The following SGCZ variants were observed in gnomAD, a reference collection of about 807,000 sequenced individuals.
SGCZ encodes zeta-sarcoglycan.
Under a neutral mutation model 41.3 loss-of-function variants are expected in SGCZ, and 40 were observed. That is an observed-to-expected ratio of 0.97 (90% CI 0.75 to 1.26). The LOEUF is 1.26. Among genes scored for constraint, SGCZ ranks in the 50% most tolerant of loss-of-function variants. The pLI is 0.00. For missense variants in SGCZ, 552 were observed against 369.8 expected, an observed-to-expected ratio of 1.49 and a Z score of -4.04; for synonymous variants, 206 against 137.5, an observed-to-expected ratio of 1.50 and a Z score of -3.49.
At chr8:14,414,610 AT>A (rs1799447091) in intron 2 of SGCZ, among the ~76,000 whole-genome samples, 1 of 151,980 alleles carries the variant, frequency 6.6e-6, no homozygotes, top group African/African-American at 2.4e-5. Flanking sequence ...AGCTGAGAAA[AT>A]GTGTGATATG....
chr8:15,051,931 G>T (rs2130994679), intron 1 of SGCZ, among the ~76,000 whole-genome samples: 1 of 152,248 alleles, frequency 6.6e-6, no homozygotes, highest in East Asian at 1.9e-4. Context: ...CAAAAGACTG[G>T]AAGGCTGCAG....
At chr8:14,258,038 C>T (rs1343770187) in intron 3 of SGCZ, among the ~76,000 whole-genome samples, 1 of 152,126 alleles carries the variant, frequency 6.6e-6, no homozygotes, top group Non-Finnish European at 1.5e-5. Context: ...CCTTGCGTGA[C>T]ATTTTGATTG....
intron 1 of SGCZ, among the ~76,000 whole-genome samples, chr8:14,890,936 A>G (rs1354846580): frequency 6.6e-6 from 1 of 152,234 alleles, no homozygotes; most frequent in Non-Finnish European, 1.5e-5. Context: ...ACAAAGCCTG[A>G]TAGCAGCACT....
intron 2 of SGCZ, among the ~76,000 whole-genome samples, chr8:14,412,403 C>T (rs562367650): frequency 2.8e-4 from 43 of 152,138 alleles, no homozygotes; most frequent in African/African-American, 9.9e-4. Context: ...ACTGGGTATG[C>T]GTACATTTGA....
chr8:14,484,602 T>C (rs1410104147), intron 2 of SGCZ, among the ~76,000 whole-genome samples: 1 of 152,196 alleles, frequency 6.6e-6, no homozygotes, highest in Non-Finnish European at 1.5e-5. Context: ...AATTATATTT[T>C]ATGTTCCGTT....
intron 1 of SGCZ, among the ~76,000 whole-genome samples, chr8:14,742,313 TCA>T (rs915950022): frequency 4.0e-5 from 6 of 151,720 alleles, no homozygotes; most frequent in African/African-American, 1.5e-4. Flanking sequence ...GCACGCGCGC[TCA>T]CACACACACA....
chr8:15,068,969 CAGTA>C (rs1805254135), intron 1 of SGCZ, among the ~76,000 whole-genome samples: 1 of 152,078 alleles, frequency 6.6e-6, no homozygotes, highest in Non-Finnish European at 1.5e-5. Context: ...TCTTTAAAAA[CAGTA>C]AGAACAGAAT....
chr8:14,892,753 T>G (rs1805060914), intron 1 of SGCZ, among the ~76,000 whole-genome samples: 2 of 152,198 alleles, frequency 1.3e-5, no homozygotes, highest in South Asian at 4.1e-4. Flanking sequence ...GTCATCACCA[T>G]TAAATAATTA....
At chr8:14,251,366 A>G (rs1302643409) in intron 3 of SGCZ, among the ~76,000 whole-genome samples, 1 of 152,244 alleles carries the variant, frequency 6.6e-6, no homozygotes, top group East Asian at 1.9e-4. Flanking sequence ...TTTATTTTCA[A>G]GAGACAGACA....
At chr8:14,551,533 A>C (rs373528698) in intron 2 of SGCZ, among the ~76,000 whole-genome samples, 1 of 12,170 alleles carries the variant, frequency 8.2e-5, no homozygotes, top group Admixed American at 1.5e-3. Context: ...TAATATATAT[A>C]ATATATATAA....
intron 2 of SGCZ, among the ~76,000 whole-genome samples, chr8:14,535,267 G>T (rs1006738224): frequency 2.6e-5 from 4 of 151,604 alleles, no homozygotes; most frequent in Non-Finnish European, 5.9e-5. Context: ...TTAATTGTAA[G>T]ACATCTATGT....
chr8:14,483,624 T>A (rs1585575854), intron 2 of SGCZ, among the ~76,000 whole-genome samples: 1 of 152,212 alleles, frequency 6.6e-6, no homozygotes, highest in Non-Finnish European at 1.5e-5. Context: ...TATTCATTTT[T>A]GGCCATGTAA....
intron 3 of SGCZ, among the ~76,000 whole-genome samples, chr8:14,269,085 A>G (rs1799972318): frequency 6.6e-6 from 1 of 151,944 alleles, no homozygotes. Context: ...TAAGTGTTTC[A>G]CTCTTGTATA....
chr8:14,904,810 T>C (rs1799075324), intron 1 of SGCZ, among the ~76,000 whole-genome samples: 1 of 152,024 alleles, frequency 6.6e-6, no homozygotes, highest in African/African-American at 2.4e-5. Context: ...TCTTTTTTTC[T>C]ACAAGTCGTC....
rs545197347 is a variant in SGCZ, at chr8:14,576,953, T to A, written c.40-22027A>T. 1.5e-3 allele frequency among the ~76,000 whole-genome samples: 227 copies of A among 152,208 alleles called. 1 individual carries two copies. Among genetic ancestry groups the A allele is most frequent in the Non-Finnish European group, 2.8e-3 (189 of 68,010 alleles). The stretch of plus-strand genomic sequence containing the variant: ...CCCGTGAGGACATTCATTCAAAGAG[T>A]CTTCACCCAAAAGGCCCTTCATGAA... On this transcript the variant is annotated intron_variant, in intron 1 of 7. Coordinates refer to ENST00000382080, the MANE Select transcript of SGCZ (RefSeq NM_139167.4).
intron 1 of SGCZ, among the ~76,000 whole-genome samples, chr8:14,595,751 C>A (rs1805391713): frequency 1.3e-5 from 2 of 152,298 alleles, no homozygotes; most frequent in Non-Finnish European, 2.9e-5. Flanking sequence ...ACAACAAATT[C>A]TTTCCATAAT....
chr8:15,000,181 G>T (rs1033954322), intron 1 of SGCZ, among the ~76,000 whole-genome samples: 2 of 152,146 alleles, frequency 1.3e-5, no homozygotes, highest in African/African-American at 2.4e-5. Flanking sequence ...TCCAAGTCAA[G>T]GAGAGAGTCC....
At position 14,085,115 on chromosome 8, in the gene SGCZ, T is replaced by G. The variant is rs1399923407; in HGVS notation, c.*5328A>C. Among the ~76,000 whole-genome samples the G allele has an allele frequency of 2.0e-5, 3 of 151,844 alleles. No individual in the cohort carries two copies. The highest frequency in any genetic ancestry group is 4.4e-5 in the Non-Finnish European group (3 of 67,846). On this transcript the variant is annotated 3_prime_UTR_variant, in exon 8 of 8. Transcript: ENST00000382080. ...TTGAATAGATATGTTATCTACAGTT[T>G]ATAGGGCAGACAGTCCATTTAAATA... is the stretch of plus-strand genomic sequence containing the variant.
chr8:14,923,874 A>G (rs961317660), intron 1 of SGCZ, among the ~76,000 whole-genome samples: 1 of 152,354 alleles, frequency 6.6e-6, no homozygotes, highest in Non-Finnish European at 1.5e-5. Context: ...AGAACCCCAG[A>G]GTTGGTACGA....
Sources: gnomAD v4.1 joint callset for allele counts (sites outside exome capture counted in the v4.1 genomes callset) on GRCh38, gnomAD v4.1.1 for gene constraint, MANE v1.5 for transcripts, NCBI Gene and HGNC (gene_info 2026-07-23, HGNC 2026-07-21) for gene names.